Variants in ZNF546 observed in about 807,000 individuals in gnomAD.
The protein encoded by ZNF546 is zinc finger protein 546.
Under a neutral mutation model 76.2 loss-of-function variants are expected in ZNF546, and 60 were observed. The observed-to-expected ratio is 0.79, with a 90% CI of 0.64 to 0.98. The LOEUF (loss-of-function observed/expected upper bound fraction) is 0.98. Ranked by LOEUF, ZNF546 falls within the 50% of genes least tolerant of loss-of-function variation. The pLI, the probability that ZNF546 is intolerant of heterozygous loss-of-function variation, is 0.00. For missense variants in ZNF546, 936 were observed against 1,035.6 expected (o/e 0.90, Z 1.32); for synonymous variants, 277 against 328.1 (o/e 0.84, Z 1.68).
chr19:40,010,831 T>G (rs1371034533), intron 6 of ZNF546, among the ~76,000 whole-genome samples: 1 of 151,900 alleles, frequency 6.6e-6, no homozygotes, highest in African/African-American at 2.4e-5. Flanking sequence ...CACAGGCATG[T>G]GCCACCATGC....
Position 40,015,453 on chromosome 19 carries a change from A to G in ZNF546, c.2183A>G (p.Lys728Arg). The G allele has an allele frequency of 3.1e-6, 5 of 1,614,250 alleles. No individual in the cohort carries two copies. Among genetic ancestry groups the G allele is most frequent in the Non-Finnish European group, 3.4e-6 (4 of 1,180,048 alleles). ...CCATATGAATGTAAGGAATGTGGAAAGACCTTTAGTCGTCGGTATCATCTT... is the reference window on the plus strand; with the variant it reads ...CCATATGAATGTAAGGAATGTGGAAGGACCTTTAGTCGTCGGTATCATCTT... ...ELPYECKECG[K>R]TFSRRYHLTQ... Residue 728 changes from lysine to arginine, a missense_variant, in exon 7 of 7, where the codon AAG (lysine) becomes AGG (arginine). Coordinates refer to ENST00000347077, the MANE Select transcript of ZNF546 (RefSeq NM_178544.5).
At position 40,018,225 on chromosome 19, in the gene ZNF546, C is replaced by T. The variant is rs1264936879; in HGVS notation, c.*2444C>T. ...GACCTGGTGATCTGCCCGCCTCAGC[C>T]TCCCAAAGTGCTGGGATTACAGGCA... On this transcript the variant is annotated 3_prime_UTR_variant, in exon 7 of 7. Transcript: ENST00000347077. The T allele has an allele frequency of 1.3e-5, 2 of 152,248 alleles. No individual in the cohort carries two copies. The highest frequency in any genetic ancestry group is 2.4e-5 in the African/African-American group (1 of 41,454). 9.4% of individuals were successfully genotyped at this position (152,248 alleles called of 1,614,324 possible). A position where few individuals can be genotyped will look rare whatever the true frequency, so the allele number is the denominator to read the frequency against.
chr19:40,002,760 C>T (rs75549680), intron 3 of ZNF546, among the ~76,000 whole-genome samples: 77 of 143,356 alleles, frequency 5.4e-4, no homozygotes, highest in Admixed American at 7.0e-4. Flanking sequence ...AGTACAGTGG[C>T]GAGATCTCAG....
At chr19:39,999,510 CTTATAAA>C (rs1337779776) in intron 3 of ZNF546, 1 of 151,910 alleles carries the variant, frequency 6.6e-6, no homozygotes, top group Non-Finnish European at 1.5e-5. Context: ...ACATAAGGCA[CTTATAAA>C]GAAGAAAGTT....
rs534583294 is a variant in ZNF546 at position 40,014,457 on chromosome 19, A to G, written c.1187A>G (p.His396Arg). The G allele has an allele frequency of 1.9e-6, 3 of 1,613,172 alleles. No individual in the cohort carries two copies. Among genetic ancestry groups the G allele is most frequent in the Admixed American group, 3.3e-5 (2 of 59,936 alleles). ...KCNECGKAFSHGSYLVQHQKI... is the reference protein window; with the variant it reads ...KCNECGKAFSRGSYLVQHQKI... ...AATGAATGTGGGAAGGCCTTTAGTCATGGCTCATACCTTGTTCAACATCAG... is the reference window on the plus strand; with the variant it reads ...AATGAATGTGGGAAGGCCTTTAGTCGTGGCTCATACCTTGTTCAACATCAG... The change falls in exon 7 of 7, where the codon CAT (histidine) becomes CGT (arginine). Residue 396 changes from histidine to arginine, a missense_variant. Transcript: ENST00000347077.
chr19:40,014,046 A>G lies in ZNF546; in HGVS notation c.776A>G (p.Asp259Gly), dbSNP rs761382254. The part of the protein sequence containing the change: ...ECGKAFCRVG[D>G]LRVHHTIHAG... ...GGAAAGGCCTTTTGTCGAGTGGGAG[A>G]CCTTAGAGTACATCACACAATCCAT... The change falls in exon 7 of 7, where the codon GAC becomes GGC. Residue 259 changes from aspartate (D) to glycine (G), a missense_variant. Transcript: ENST00000347077. 1 of 1,610,850 alleles carries G rather than the reference A, an allele frequency of 6.2e-7. No individual in the cohort carries two copies. The highest frequency in any genetic ancestry group is 8.5e-7 in the Non-Finnish European group (1 of 1,177,678).
At chr19:39,998,986 T>C (rs966499757) in intron 3 of ZNF546, among the ~76,000 whole-genome samples, 2 of 152,198 alleles carry the variant, frequency 1.3e-5, no homozygotes, top group African/African-American at 4.8e-5. Flanking sequence ...TTGGCCACGC[T>C]GGTCTGGAAC....
chr19:40,015,261 C>A lies in ZNF546; in HGVS notation c.1991C>A (p.Pro664His), dbSNP rs142397727. 5.1e-3 allele frequency: 8,199 copies of A among 1,614,026 alleles called. 18 individuals carry two copies. The highest frequency in any genetic ancestry group is 9.0e-3 in the South Asian group (821 of 91,076). ...CACAGAATTCATACTGGTGAGAAAC[C>A]CTACGAATGTACGGAATGTGGGAAG... ...QHHRIHTGEK[P>H]YECTECGKTF... Residue 664 changes from proline (P) to histidine (H), a missense_variant, in exon 7 of 7, where the codon CCC becomes CAC. Physicochemically the swap from Pro to His is moderately conservative, Grantham distance 77 (BLOSUM62 -2). Coordinates refer to ENST00000347077, the MANE Select transcript of ZNF546 (RefSeq NM_178544.5).
intron 3 of ZNF546, among the ~76,000 whole-genome samples, chr19:40,001,723 T>C (rs1014197652): frequency 6.6e-6 from 1 of 152,186 alleles, no homozygotes; most frequent in Non-Finnish European, 1.5e-5. Flanking sequence ...TAATTAAAAA[T>C]AATTGCATCT....
At chr19:40,005,935 C>T (rs1971596645) in intron 3 of ZNF546, among the ~76,000 whole-genome samples, 161 bp from the exon 4 acceptor site, 1 of 152,166 alleles carries the variant, frequency 6.6e-6, no homozygotes, top group Non-Finnish European at 1.5e-5. Context: ...CATGAATTTA[C>T]ACCACCCCAG....
At chr19:40,008,034 CCTTTGCATATATTAATTCATTT>C (rs1244080589) in intron 5 of ZNF546, among the ~76,000 whole-genome samples, 44 of 152,198 alleles carry the variant, frequency 2.9e-4, no homozygotes, top group African/African-American at 9.9e-4. Context: ...ATATTATATG[CCTTTGCATATATTAATTCATTT>C]AATTCTCACC....
At chr19:40,013,235 A>G (rs1410510818) in intron 6 of ZNF546, among the ~76,000 whole-genome samples, 1 of 152,228 alleles carries the variant, frequency 6.6e-6, no homozygotes, top group Non-Finnish European at 1.5e-5. Flanking sequence ...TGAGCCAAAT[A>G]GCTCACTGCC....
intron 6 of ZNF546, among the ~76,000 whole-genome samples, chr19:40,009,063 T>A (rs1440182582): frequency 6.6e-6 from 1 of 152,160 alleles, no homozygotes; most frequent in Non-Finnish European, 1.5e-5. Context: ...TCATATGTGT[T>A]GTGAAGAAAG....
chr19:40,012,033 CT>C (rs1172346903), intron 6 of ZNF546, among the ~76,000 whole-genome samples: 2 of 152,206 alleles, frequency 1.3e-5, no homozygotes, highest in Non-Finnish European at 2.9e-5. Flanking sequence ...TTTCTAAAGC[CT>C]GTGTTCTTCA....
At chr19:40,006,422 G>A (rs1336171050) in intron 4 of ZNF546, among the ~76,000 whole-genome samples, 1 of 152,184 alleles carries the variant, frequency 6.6e-6, no homozygotes, top group Non-Finnish European at 1.5e-5. Context: ...GCAGAGGTCA[G>A]ATCCCATGCA....
intron 3 of ZNF546, among the ~76,000 whole-genome samples, chr19:40,003,598 G>A (rs1971558058): frequency 6.6e-6 from 1 of 152,054 alleles, no homozygotes; most frequent in Admixed American, 6.6e-5. Flanking sequence ...ACTTCACTGT[G>A]ACCAGCATTC....
intron 6 of ZNF546, among the ~76,000 whole-genome samples, chr19:40,012,368 AAG>A (rs1397019873): frequency 4.6e-5 from 7 of 152,230 alleles, no homozygotes; most frequent in African/African-American, 1.7e-4. Context: ...TGATCCAGGA[AAG>A]AGCATATTTA....
rs375101853 is a variant in ZNF546 at position 40,006,163 on chromosome 19, G to C, written c.152G>C (p.Gly51Ala). The change falls in exon 4 of 7, where the codon GGT becomes GCT. Residue 51 changes from glycine to alanine, a missense_variant. By Grantham distance (60) the Gly-to-Ala change is moderately conservative. Transcript: ENST00000347077. The stretch of plus-strand genomic sequence containing the variant: ...CAAGGAGAACTGACAAGTTCTTGTG[G>C]TTCTAAAACCATGGCCAATGTAAGT... ...ETQGELTSSC[G>A]SKTMANVSLA... 1 of 1,613,426 alleles carries C rather than the reference G, an allele frequency of 6.2e-7. No homozygotes were observed. Among genetic ancestry groups the C allele is most frequent in the Non-Finnish European group, 8.5e-7 (1 of 1,179,738 alleles).
At position 39,998,297 on chromosome 19, in the gene ZNF546, C is replaced by T. The variant is rs754918267; in HGVS notation, c.-30C>T. 1.9e-6 allele frequency: 3 copies of T among 1,585,750 alleles called. No homozygotes were observed. In the African/African-American group the frequency reaches 4.0e-5, roughly 21 times the overall value. On this transcript the variant is annotated 5_prime_UTR_variant, in exon 3 of 7. Transcript: ENST00000347077. ...TCCTGAATTGTCCAGTGACCTATCC[C>T]AGGCCTTCCTTTCCAGTGAACAATG...
Sources: gnomAD v4.1 joint callset for allele counts (sites outside exome capture counted in the v4.1 genomes callset) on GRCh38, gnomAD v4.1.1 for gene constraint, MANE v1.5 for transcripts, NCBI Gene and HGNC (gene_info 2026-07-23, HGNC 2026-07-21) for gene names.